CAMKK1: variants seen among roughly 807,000 people sequenced by gnomAD.
The protein encoded by CAMKK1 is calcium/calmodulin dependent protein kinase kinase 1, also known as calcium/calmodulin-dependent protein kinase kinase 1.
In CAMKK1, 20 loss-of-function variants were observed where a neutral mutation model predicts 63.5. The observed-to-expected ratio is 0.32, with a 90% CI of 0.22 to 0.46. The LOEUF is 0.46. CAMKK1 is among the 20% of genes least tolerant of loss of function. The probability of loss-of-function intolerance (pLI) is 1.00; values close to 1 mark genes in which losing one functional copy is unlikely to be tolerated. For missense variants in CAMKK1, 588 were observed against 658.1 expected (o/e 0.89, Z 1.17); for synonymous variants, 253 against 269.0 (o/e 0.94, Z 0.58).
chr17:3,884,547 T>C lies in CAMKK1; in HGVS notation c.361-120A>G, dbSNP rs1423924212. The C allele has an allele frequency of 2.3e-6, 2 of 876,468 alleles. No homozygotes were observed. Among genetic ancestry groups the C allele is most frequent in the Non-Finnish European group, 3.4e-6 (2 of 579,740 alleles). 54.3% of individuals were successfully genotyped at this position (876,468 alleles called of 1,614,324 possible). On this transcript the variant is annotated intron_variant, in intron 2 of 15. Coordinates refer to ENST00000348335, the MANE Select transcript of CAMKK1 (RefSeq NM_032294.3). This position sits in a 1 kb window ranked among gnomAD's most constrained non-coding sequence, Gnocchi z 4.5. ...CTCCTCATTCCCGGACCCCCAGGTC[T>C]CACCAAGCTTTTGAGTTTGGATGGG...
Position 3,870,953 on chromosome 17 carries a change from G to A in CAMKK1, c.1125-1065C>T, listed in dbSNP as rs563237357. 6.6e-5 allele frequency among the ~76,000 whole-genome samples: 10 copies of A among 152,310 alleles called. No individual in the cohort carries two copies. In the South Asian group the frequency reaches 1.9e-3, roughly 28 times the overall value. On this transcript the variant is annotated intron_variant, in intron 12 of 15. Transcript: ENST00000348335. Reference sequence around the variant, plus strand: ...TGGTGCTCGGGAAAGGGAGTGAGGCGGCCCCAGACGAGCGGGTGGCAGAAC... The same window carrying A: ...TGGTGCTCGGGAAAGGGAGTGAGGCAGCCCCAGACGAGCGGGTGGCAGAAC...
At chr17:3,888,778 G>C (rs1184678019) in intron 1 of CAMKK1, among the ~76,000 whole-genome samples, 1 of 152,216 alleles carries the variant, frequency 6.6e-6, no homozygotes, top group African/African-American at 2.4e-5. Flanking sequence ...CTGCGAGGGA[G>C]GCGGCCGGCC....
At chr17:3,865,862 C>T in intron 15 of CAMKK1, 46 bp downstream of exon 15, 1 of 1,611,140 alleles carries the variant, frequency 6.2e-7, no homozygotes, top group African/African-American at 1.3e-5. Context: ...ACCTCCCCAC[C>T]CAACTCCAGG....
intron 8 of CAMKK1, among the ~76,000 whole-genome samples, chr17:3,881,140 A>G (rs1161699876): frequency 1.3e-5 from 2 of 152,188 alleles, no homozygotes; most frequent in African/African-American, 4.8e-5. Context: ...AGACATGTGG[A>G]AGCCTGGGCT....
Position 3,890,585 on chromosome 17 carries a change from C to A in CAMKK1, c.-44+2354G>T. ...CTCTGTCTCCATTGCGAGACGGGTACCACACCCTCCCCATTCTTTCCTGAC... is the reference window on the plus strand; with the variant it reads ...CTCTGTCTCCATTGCGAGACGGGTAACACACCCTCCCCATTCTTTCCTGAC... On this transcript the variant is annotated intron_variant, in intron 1 of 15. Coordinates refer to ENST00000348335, the MANE Select transcript of CAMKK1 (RefSeq NM_032294.3). This position sits in a 1 kb window ranked among gnomAD's most constrained non-coding sequence, Gnocchi z 6.5. The A allele has an allele frequency of 3.9e-6, 3 of 772,548 alleles. No individual in the cohort carries two copies. Among genetic ancestry groups the A allele is most frequent in the Non-Finnish European group, 7.3e-6 (3 of 413,436 alleles). The allele number at this position is 772,548 out of a possible 1,614,324, so 47.9% of individuals were successfully genotyped here. A position where few individuals can be genotyped will look rare whatever the true frequency, so the allele number is the denominator to read the frequency against.
rs560675865 is a variant in CAMKK1, at chr17:3,891,564, G to A, written c.-44+1375C>T. 1.2e-4 allele frequency among the ~76,000 whole-genome samples: 18 copies of A among 152,312 alleles called. No homozygotes were observed. In the East Asian group the frequency reaches 2.9e-3, roughly 24 times the overall value. On this transcript the variant is annotated intron_variant, in intron 1 of 15. Coordinates refer to ENST00000348335, the MANE Select transcript of CAMKK1 (RefSeq NM_032294.3). The stretch of plus-strand genomic sequence containing the variant: ...TGAGGGGACAGTGCTTGCTCAGTAT[G>A]AAGAACAGCAGGGAGGCTGACGTGG...
chr17:3,874,403 ACT>A (rs2055046769), intron 10 of CAMKK1, among the ~76,000 whole-genome samples: 1 of 151,874 alleles, frequency 6.6e-6, no homozygotes, highest in African/African-American at 2.4e-5. Flanking sequence ...ACAGAGTCTC[ACT>A]CTGTCGCCCA....
chr17:3,869,720 C>G (rs778182455), intron 13 of CAMKK1, 81 bp downstream of exon 13: 8 of 1,594,092 alleles, frequency 5.0e-6, no homozygotes, highest in Non-Finnish European at 6.9e-6. Flanking sequence ...CACATGCATC[C>G]TGGTGTTGAT....
chr17:3,869,950 C>A lies in CAMKK1; in HGVS notation c.1125-62G>T, dbSNP rs541874587. 24 of 1,355,094 alleles carry A rather than the reference C, an allele frequency of 1.8e-5. No individual in the cohort carries two copies. In the African/African-American group the frequency reaches 3.3e-4, roughly 19 times the overall value. The allele number at this position is 1,355,094 out of a possible 1,614,324, so 83.9% of individuals were successfully genotyped here. On this transcript the variant is annotated intron_variant, in intron 12 of 15. Coordinates refer to ENST00000348335, the MANE Select transcript of CAMKK1 (RefSeq NM_032294.3). The stretch of plus-strand genomic sequence containing the variant: ...GCTGATGAGGACCCCTTCCTGTCCA[C>A]CTCTCTTCCCGAAACCTTCGTCCCT...
chr17:3,863,634 C>G (rs189617083), intron 15 of CAMKK1, among the ~76,000 whole-genome samples: 68 of 151,998 alleles, frequency 4.5e-4, no homozygotes, highest in African/African-American at 1.5e-3. Flanking sequence ...CTGGCACTTT[C>G]GGAGGCCAAG....
chr17:3,888,376 G>A (rs1298649321), intron 1 of CAMKK1, among the ~76,000 whole-genome samples: 1 of 152,230 alleles, frequency 6.6e-6, no homozygotes, highest in Non-Finnish European at 1.5e-5. Context: ...AAGGTTTCCT[G>A]TTCCAGCCTG....
chr17:3,890,892 G>T lies in CAMKK1; in HGVS notation c.-44+2047C>A. 5 of 683,040 alleles carry T rather than the reference G, an allele frequency of 7.3e-6. No homozygotes were observed. Among genetic ancestry groups the T allele is most frequent in the Non-Finnish European group, 1.4e-5 (5 of 366,328 alleles). The allele number at this position is 683,040 out of a possible 1,614,324, so 42.3% of individuals were successfully genotyped here. A position where few individuals can be genotyped will look rare whatever the true frequency, so the allele number is the denominator to read the frequency against. On this transcript the variant is annotated intron_variant, in intron 1 of 15. Transcript: ENST00000348335. This position sits in a 1 kb window ranked among gnomAD's most constrained non-coding sequence, Gnocchi z 6.5. ...TGAGCTCACCAAGTCAAACCCCTTA[G>T]AAGTCCAGATTCTACCCACTGCTTC...
At chr17:3,867,375 G>C (rs530955219) in intron 14 of CAMKK1, among the ~76,000 whole-genome samples, 4 of 152,324 alleles carry the variant, frequency 2.6e-5, no homozygotes, top group African/African-American at 9.6e-5. Context: ...CAGAAAAACA[G>C]GGCGGGTGGT....
chr17:3,873,142 G>C (rs1011200306), intron 11 of CAMKK1, among the ~76,000 whole-genome samples: 8 of 152,254 alleles, frequency 5.3e-5, no homozygotes, highest in Non-Finnish European at 1.0e-4. Flanking sequence ...TCAAGGGACA[G>C]AGGGACGGGG....
At position 3,869,490 on chromosome 17, in the gene CAMKK1, C is replaced by T. The variant is rs117020312; in HGVS notation, c.1338G>A (p.Thr446=). 170 of 1,614,196 alleles carry T rather than the reference C, an allele frequency of 1.1e-4. No individual in the cohort carries two copies. In the East Asian group the frequency reaches 3.4e-3, roughly 33 times the overall value. ...GCATCTACCCCGGCTCTCTTACCACCGTGGTCCAGCTGGGGATGAGCCTGA... is the reference window on the plus strand; with the variant it reads ...GCATCTACCCCGGCTCTCTTACCACTGTGGTCCAGCTGGGGATGAGCCTGA... The part of the protein sequence containing the change: ...NSVRLIPSWT[T]VILVKSMLRK... The change falls in exon 14 of 16, where the codon ACG becomes ACA. Residue 446 remains threonine, a synonymous_variant. Transcript: ENST00000348335.
In CAMKK1 at chr17:3,883,510, C is replaced by T. The variant is rs737361; in HGVS notation, c.463-30G>A. 55 of 1,578,742 alleles carry T rather than the reference C, an allele frequency of 3.5e-5. No individual in the cohort carries two copies. The highest frequency in any genetic ancestry group is 4.6e-5 in the Non-Finnish European group (53 of 1,147,804). On this transcript the variant is annotated intron_variant, in intron 4 of 15. Coordinates refer to ENST00000348335, the MANE Select transcript of CAMKK1 (RefSeq NM_032294.3). The surrounding 1 kb of genome is among the most constrained non-coding windows in gnomAD (Gnocchi z 4.7). ...GGAAGGAGGGACAGAAATGTCACTA[C>T]TGTGCAGCCACCAGGGGCTAGAACA...
chr17:3,883,055 AC>A lies in CAMKK1; in HGVS notation c.634del (p.Val212SerfsTer3). ...ACCACCCCCTACCTCGATCAGTTTGACCACATTCACGTGGTCCAGCTTCTTC... is the reference window on the plus strand; with the variant it reads ...ACCACCCCCTACCTCGATCAGTTTGACACATTCACGTGGTCCAGCTTCTTC... The part of the protein sequence containing the change: ...ILKKLDHVNV[V>X]KLIEVLDDPA... On this transcript the variant is annotated frameshift_variant, in exon 6 of 16. Coordinates refer to ENST00000348335, the MANE Select transcript of CAMKK1 (RefSeq NM_032294.3). LOFTEE classifies it high-confidence loss of function. The surrounding 1 kb of genome is among the most constrained non-coding windows in gnomAD (Gnocchi z 4.7). 3.1e-6 allele frequency: 5 copies of A among 1,613,712 alleles called. No homozygotes were observed. The highest frequency in any genetic ancestry group is 4.2e-6 in the Non-Finnish European group (5 of 1,179,946).
rs1567617802 is a variant in CAMKK1 at position 3,871,323 on chromosome 17, GTTGTTTTTTGTTTTTTTTTTT to G, written c.1124+1210_1124+1230del. On this transcript the variant is annotated intron_variant, in intron 12 of 15. Transcript: ENST00000348335. Reference sequence around the variant, plus strand: ...CCCGTTTCATTTTCTTTTTTTGTTTGTTGTTTTTTGTTTTTTTTTTTTTGTTTTTTTTTTTTTTTTTTTTTT... The same window carrying G: ...CCCGTTTCATTTTCTTTTTTTGTTTGTTGTTTTTTTTTTTTTTTTTTTTTT... 4.4e-5 allele frequency among the ~76,000 whole-genome samples: 5 copies of G among 112,872 alleles called. No individual in the cohort carries two copies. The South Asian group carries it at 9.3e-4, about 21-fold the overall frequency. 74.0% of individuals were successfully genotyped at this position (112,872 alleles called of 152,430 possible). A position where few individuals can be genotyped will look rare whatever the true frequency, so the allele number is the denominator to read the frequency against.
At position 3,884,636 on chromosome 17, in the gene CAMKK1, G is replaced by T. The variant is rs972906294; in HGVS notation, c.361-209C>A. On this transcript the variant is annotated intron_variant, in intron 2 of 15. Transcript: ENST00000348335. The surrounding 1 kb of genome is among the most constrained non-coding windows in gnomAD (Gnocchi z 4.5). Reference sequence around the variant, plus strand: ...GACGTGGCTCATGTTTGAAAACATGGATGGTGACGCCATGGCTGTGCCTTG... The same window carrying T: ...GACGTGGCTCATGTTTGAAAACATGTATGGTGACGCCATGGCTGTGCCTTG... 1.3e-5 allele frequency among the ~76,000 whole-genome samples: 2 copies of T among 152,250 alleles called. No individual in the cohort carries two copies. Among genetic ancestry groups the T allele is most frequent in the Non-Finnish European group, 2.9e-5 (2 of 68,044 alleles).
Sources: allele counts gnomAD v4.1 joint callset (sites outside exome capture counted in the v4.1 genomes callset), GRCh38; gene constraint gnomAD v4.1.1; non-coding constraint Gnocchi (gnomAD v3.1); transcripts MANE v1.5; gene names NCBI Gene and HGNC (gene_info 2026-07-23, HGNC 2026-07-21).